EYA2: variants seen among roughly 807,000 people sequenced by gnomAD.
EYA2 encodes EYA transcriptional coactivator and phosphatase 2.
In EYA2, 31 loss-of-function variants were observed where a neutral mutation model predicts 69.2. The observed-to-expected ratio is 0.45, with a 90% confidence interval of 0.34 to 0.60. The LOEUF (loss-of-function observed/expected upper bound fraction) is 0.60. Ranked by LOEUF, EYA2 falls within the 20% of genes least tolerant of loss-of-function variation. EYA2 has a pLI of 0.02. For missense variants in EYA2, 622 were observed against 701.2 expected (o/e 0.89, Z 1.28); for synonymous variants, 257 against 279.4 (o/e 0.92, Z 0.80).
At chr20:47,018,294 C>A (rs1306590978) in intron 5 of EYA2, among the ~76,000 whole-genome samples, 3 of 151,818 alleles carry the variant, frequency 2.0e-5, no homozygotes. Context: ...GTAGGAGAGG[C>A]CCCCATTCAT....
chr20:47,064,843 G>A (rs746042969), intron 5 of EYA2, among the ~76,000 whole-genome samples: 18 of 152,176 alleles, frequency 1.2e-4, no homozygotes, highest in Non-Finnish European at 2.6e-4. Context: ...CCAGCACAGT[G>A]TCCAACATGA....
intron 10 of EYA2, among the ~76,000 whole-genome samples, chr20:47,158,092 C>A (rs2033992437): frequency 6.6e-6 from 1 of 151,976 alleles, no homozygotes; most frequent in African/African-American, 2.4e-5. Flanking sequence ...CCTGTCTGAG[C>A]TTTAGTTTCC....
chr20:47,144,324 C>G (rs1296300406), intron 10 of EYA2, among the ~76,000 whole-genome samples: 1 of 149,990 alleles, frequency 6.7e-6, no homozygotes, highest in Non-Finnish European at 1.5e-5. Context: ...CCACTGCACT[C>G]CAGCCTGGCA....
chr20:47,046,459 T>A (rs2030043243), intron 5 of EYA2, among the ~76,000 whole-genome samples: 1 of 152,142 alleles, frequency 6.6e-6, no homozygotes, highest in South Asian at 2.1e-4. Context: ...GATGAAGGTG[T>A]CTGCATCTCT....
chr20:46,937,611 G>T (rs1432357141), intron 1 of EYA2, among the ~76,000 whole-genome samples: 4 of 151,088 alleles, frequency 2.6e-5, no homozygotes, highest in Non-Finnish European at 1.5e-5. Context: ...TTGGTTTTCT[G>T]GGTTGAGAGT....
At chr20:46,927,141 CCAACA>C (rs1056659792) in intron 1 of EYA2, among the ~76,000 whole-genome samples, 7 of 152,150 alleles carry the variant, frequency 4.6e-5, no homozygotes, top group African/African-American at 1.7e-4. Context: ...GTTGAGTTTA[CCAACA>C]CATAGGAAGG....
chr20:46,943,141 G>C (rs1459485557), intron 1 of EYA2, among the ~76,000 whole-genome samples: 1 of 152,220 alleles, frequency 6.6e-6, no homozygotes, highest in Non-Finnish European at 1.5e-5. Flanking sequence ...ACATTTGACA[G>C]CATCTGTAGA....
intron 5 of EYA2, among the ~76,000 whole-genome samples, chr20:47,058,163 G>A (rs553882001): frequency 1.3e-5 from 2 of 152,344 alleles, no homozygotes; most frequent in South Asian, 2.1e-4. Context: ...TTAAAAAGAG[G>A]AGGAAATCCA....
chr20:47,163,446 C>A (rs2034112302), intron 10 of EYA2, among the ~76,000 whole-genome samples: 1 of 152,120 alleles, frequency 6.6e-6, no homozygotes, highest in South Asian at 2.1e-4. Flanking sequence ...CGCCTGTAAT[C>A]CCCGCACTTT....
chr20:47,038,774 C>T (rs747198868), intron 5 of EYA2, among the ~76,000 whole-genome samples: 20 of 152,108 alleles, frequency 1.3e-4, no homozygotes, highest in South Asian at 2.1e-4. Context: ...GTTCCCCGCA[C>T]GTAGCCCCTG....
chr20:47,123,667 A>C (rs1358613508), intron 9 of EYA2, among the ~76,000 whole-genome samples: 2 of 152,192 alleles, frequency 1.3e-5, no homozygotes, highest in East Asian at 3.8e-4. Context: ...AAACAGCAAC[A>C]TTAGGCATCA....
intron 10 of EYA2, among the ~76,000 whole-genome samples, chr20:47,162,349 A>T: frequency 6.6e-6 from 1 of 152,148 alleles, no homozygotes; most frequent in Middle Eastern, 3.2e-3. Flanking sequence ...CACTACATAT[A>T]TAGAAAGTGC....
intron 1 of EYA2, among the ~76,000 whole-genome samples, chr20:46,943,796 G>A (rs1290517774): frequency 6.6e-6 from 1 of 152,180 alleles, no homozygotes; most frequent in Non-Finnish European, 1.5e-5. Flanking sequence ...CTTACCCCAT[G>A]TTTTGTTGCC....
At chr20:46,929,933 C>T (rs1417886176) in intron 1 of EYA2, among the ~76,000 whole-genome samples, 1 of 152,116 alleles carries the variant, frequency 6.6e-6, no homozygotes, top group African/African-American at 2.4e-5. Context: ...TAAAATGACC[C>T]CTCTGTAAAA....
At chr20:47,170,661 A>AG (rs1464016142) in intron 11 of EYA2, among the ~76,000 whole-genome samples, 2 of 152,098 alleles carry the variant, frequency 1.3e-5, no homozygotes, top group East Asian at 1.9e-4. Context: ...AAAAAAAAAA[A>AG]AGAGAGACAG....
At chr20:46,931,442 T>C (rs4809605) in intron 1 of EYA2, among the ~76,000 whole-genome samples, 62,932 of 152,002 alleles carry the variant, frequency 0.41, 13,885 homozygotes, top group Admixed American at 0.54. Flanking sequence ...CACCTTCACT[T>C]ATTATCTCTG....
At chr20:47,164,178 G>A (rs762199258) in intron 10 of EYA2, among the ~76,000 whole-genome samples, 8 of 152,148 alleles carry the variant, frequency 5.3e-5, no homozygotes, top group African/African-American at 7.2e-5. Flanking sequence ...CCCCATCCTC[G>A]TGGCCTCTGC....
intron 10 of EYA2, among the ~76,000 whole-genome samples, chr20:47,164,096 G>A (rs888929153): frequency 1.3e-5 from 2 of 152,070 alleles, no homozygotes; most frequent in Admixed American, 6.6e-5. Flanking sequence ...CTGACTTACA[G>A]TCCCCTCACC....
intron 9 of EYA2, among the ~76,000 whole-genome samples, chr20:47,132,145 T>TA (rs1229864949): frequency 6.6e-6 from 1 of 152,058 alleles, no homozygotes; most frequent in Non-Finnish European, 1.5e-5. Context: ...GATGAAGTCT[T>TA]ACTATGTTGT....
Sources: gnomAD v4.1 joint callset for allele counts (sites outside exome capture counted in the v4.1 genomes callset) on GRCh38, gnomAD v4.1.1 for gene constraint, MANE v1.5 for transcripts, NCBI Gene and HGNC (gene_info 2026-07-23, HGNC 2026-07-21) for gene names.